Variants in DVL2 observed in about 807,000 individuals in gnomAD.
DVL2 encodes segment polarity protein dishevelled homolog DVL-2.
In DVL2, 38 loss-of-function variants were observed where a neutral mutation model predicts 69.8. The ratio of observed to expected loss-of-function variants is 0.54; its 90% CI spans 0.42 to 0.71. The LOEUF (loss-of-function observed/expected upper bound fraction) is 0.71. DVL2 is among the 30% of genes least tolerant of loss of function. The probability of loss-of-function intolerance (pLI) is 0.00; values close to 1 mark genes in which losing one functional copy is unlikely to be tolerated. For missense variants in DVL2, 931 were observed against 1,008.1 expected, an observed-to-expected ratio of 0.92 and a Z score of 1.04; for synonymous variants, 428 against 392.4, an observed-to-expected ratio of 1.09 and a Z score of -1.07.
In DVL2 at chr17:7,229,080, G is replaced by A; in HGVS notation, c.958-35C>T. On this transcript the variant is annotated intron_variant, in intron 8 of 14. Transcript: ENST00000005340. This position sits in a 1 kb window ranked among gnomAD's most constrained non-coding sequence, Gnocchi z 4.4. The stretch of plus-strand genomic sequence containing the variant: ...ACGGCAAGTGGGTCAGAGACACGGT[G>A]GGAGAGGCTGAGGGCCCCCGTGCAG... 6.8e-6 allele frequency: 11 copies of A among 1,614,128 alleles called. No homozygotes were observed. The highest frequency in any genetic ancestry group is 9.3e-6 in the Non-Finnish European group (11 of 1,180,000).
At position 7,227,982 on chromosome 17, in the gene DVL2, G is replaced by A. The variant is rs376020506; in HGVS notation, c.1097C>T (p.Pro366Leu). 8.9e-6 allele frequency: 14 copies of A among 1,573,572 alleles called. No homozygotes were observed. Among genetic ancestry groups the A allele is most frequent in the African/African-American group, 1.4e-5 (1 of 73,940 alleles). ...DPSPQAYFTL[P>L]RNEPIQPIDP... The stretch of plus-strand genomic sequence containing the variant: ...CCTCCCTGAGTGTCACTCACTTCGG[G>A]GGAGAGTGAAATAGGCCTGAGGAGA... Residue 366 changes from proline to leucine, a missense_variant, in exon 10 of 15, where the codon CCC becomes CTC. Physicochemically the swap from Pro to Leu is moderately conservative, Grantham distance 98 (BLOSUM62 -3). This residue lies in a region of DVL2 where 555 missense variants were observed against 588.8 expected (regional missense o/e 0.94). Coordinates refer to ENST00000005340, the MANE Select transcript of DVL2 (RefSeq NM_004422.3).
intron 1 of DVL2, among the ~76,000 whole-genome samples, chr17:7,231,460 A>C (rs1237711580): frequency 6.6e-6 from 1 of 151,576 alleles, no homozygotes; most frequent in Middle Eastern, 3.2e-3. Flanking sequence ...AAAAAAAAAA[A>C]AAAAAACCTT....
chr17:7,230,813 G>C lies in DVL2; in HGVS notation c.195-16C>G, dbSNP rs1049981082. ...CTTCACCACCCTGCCAAGCGACAAG[G>C]TAGAGGTCAGTGAGCTGGACCAACC... On this transcript the variant is annotated splice_polypyrimidine_tract_variant and intron_variant, in intron 1 of 14. Transcript: ENST00000005340. 6.2e-7 allele frequency: 1 copy of C among 1,604,392 alleles called. No individual in the cohort carries two copies. The highest frequency in any genetic ancestry group is 8.5e-7 in the Non-Finnish European group (1 of 1,173,502).
Position 7,230,640 on chromosome 17 carries a change from G to A in DVL2, c.264+88C>T, listed in dbSNP as rs972279708. The A allele has an allele frequency of 4.4e-5, 62 of 1,412,606 alleles. No homozygotes were observed. In the African/African-American group the frequency reaches 5.2e-4, roughly 12 times the overall value. The allele number at this position is 1,412,606 out of a possible 1,614,324, so 87.5% of individuals were successfully genotyped here. Reference sequence around the variant, plus strand: ...TAAAGAGCCAGGGCTGCTAACGCGCGGCCTGGGGAGGATACAGAAACAGAC... The same window carrying A: ...TAAAGAGCCAGGGCTGCTAACGCGCAGCCTGGGGAGGATACAGAAACAGAC... On this transcript the variant is annotated intron_variant, in intron 2 of 14. Coordinates refer to ENST00000005340, the MANE Select transcript of DVL2 (RefSeq NM_004422.3).
At position 7,230,030 on chromosome 17, in the gene DVL2, C is replaced by T. The variant is rs1377591100; in HGVS notation, c.520+16G>A. ...GTCTGGCCCAGCCCTTCCCGGCCCC[C>T]AGGCCTGCCCCTCACCGCCATGCTC... On this transcript the variant is annotated intron_variant, in intron 4 of 14. Transcript: ENST00000005340. 3 of 1,613,426 alleles carry T rather than the reference C, an allele frequency of 1.9e-6. No homozygotes were observed. The highest frequency in any genetic ancestry group is 2.5e-6 in the Non-Finnish European group (3 of 1,180,010).
Position 7,229,391 on chromosome 17 carries a change from G to T in DVL2, c.804C>A (p.Val268=), listed in dbSNP as rs1365467015. 6.2e-7 allele frequency: 1 copy of T among 1,613,958 alleles called. No individual in the cohort carries two copies. The highest frequency in any genetic ancestry group is 1.7e-5 in the Admixed American group (1 of 60,030). ...CTCTCCCCATACCCATGTTTAGCGT[G>T]ACTGTGATGATATTGAGAGACATTG... The part of the protein sequence containing the change: ...DSTMSLNIIT[V]TLNMEKYNFL... Residue 268 remains valine (V), a synonymous_variant, in exon 7 of 15, where the codon GTC becomes GTA. Coordinates refer to ENST00000005340, the MANE Select transcript of DVL2 (RefSeq NM_004422.3). This position sits in a 1 kb window ranked among gnomAD's most constrained non-coding sequence, Gnocchi z 4.4.
At chr17:7,228,085 G>C in intron 9 of DVL2, 41 bp from the exon 10 acceptor site, 1 of 1,471,912 alleles carries the variant, frequency 6.8e-7, no homozygotes, top group Non-Finnish European at 9.1e-7. Flanking sequence ...CAGGGGAAGA[G>C]GAGGCCTCAG....
In DVL2 at chr17:7,229,844, C is replaced by CTGG; in HGVS notation, c.617_619dup (p.Thr206dup). ...GTCCTCCTCGTCCGAGTCCCCCAGGCTGGTACTCTCCAGCTCGCTGGTCAT... is the reference window on the plus strand; with the variant it reads ...GTCCTCCTCGTCCGAGTCCCCCAGGCTGGTGGTACTCTCCAGCTCGCTGGTCAT... On this transcript the variant is annotated inframe_insertion, in exon 5 of 15. Transcript: ENST00000005340. This position sits in a 1 kb window ranked among gnomAD's most constrained non-coding sequence, Gnocchi z 4.4. 6.2e-7 allele frequency: 1 copy of CTGG among 1,612,294 alleles called. No homozygotes were observed. The highest frequency in any genetic ancestry group is 8.5e-7 in the Non-Finnish European group (1 of 1,179,946).
At chr17:7,226,763 G>T in intron 13 of DVL2, 124 bp from the exon 14 acceptor site, 1 of 758,190 alleles carries the variant, frequency 1.3e-6, no homozygotes, top group Non-Finnish European at 2.0e-6. Flanking sequence ...CAAAACAGGG[G>T]TTCACAAGGG....
chr17:7,233,085 C>T (rs1217961857), intron 1 of DVL2, among the ~76,000 whole-genome samples: 7 of 38,820 alleles, frequency 1.8e-4, no homozygotes, highest in Non-Finnish European at 2.8e-4. Context: ...GCGAGACTGT[C>T]TCAAAAAAAA....
At chr17:7,232,245 C>G (rs2071554238) in intron 1 of DVL2, among the ~76,000 whole-genome samples, 1 of 152,260 alleles carries the variant, frequency 6.6e-6, no homozygotes, top group Admixed American at 6.5e-5. Context: ...GTTCCTCTCT[C>G]TCTTTCCACA....
chr17:7,233,818 C>T, intron 1 of DVL2: 2 of 574,286 alleles, frequency 3.5e-6, no homozygotes, highest in Non-Finnish European at 6.2e-6. Flanking sequence ...AACCAGTATG[C>T]CCCCACCTAT....
In DVL2 at chr17:7,230,310, C is replaced by G; in HGVS notation, c.385G>C (p.Gly129Arg). The G allele has an allele frequency of 6.2e-7, 1 of 1,614,134 alleles. No individual in the cohort carries two copies. Among genetic ancestry groups the G allele is most frequent in the Non-Finnish European group, 8.5e-7 (1 of 1,180,010 alleles). ...PLPPERTSGI[G>R]DSRPPSFHPN... ...TGGAAGGATGGAGGCCTTGAGTCCCCAATGCCGCTGGTCCTCTCGGGTGGC... is the reference window on the plus strand; with the variant it reads ...TGGAAGGATGGAGGCCTTGAGTCCCGAATGCCGCTGGTCCTCTCGGGTGGC... The change falls in exon 3 of 15, where the codon GGG (glycine) becomes CGG (arginine). Residue 129 changes from glycine to arginine, a missense_variant. By Grantham distance (125) the Gly-to-Arg change is moderately radical. This residue lies in a region of DVL2 where 555 missense variants were observed against 588.8 expected (regional missense o/e 0.94). Transcript: ENST00000005340.
intron 1 of DVL2, chr17:7,233,806 T>C: frequency 3.6e-6 from 2 of 556,666 alleles, no homozygotes; most frequent in Non-Finnish European, 6.4e-6. Flanking sequence ...TACTCCAACA[T>C]AAACCAGTAT....
At chr17:7,226,813 C>A (rs1742234172) in intron 13 of DVL2, 174 bp from the exon 14 acceptor site, 2 of 646,228 alleles carry the variant, frequency 3.1e-6, no homozygotes, top group South Asian at 2.1e-5. Flanking sequence ...GCCATGAGGG[C>A]AGGGGCACAG....
At chr17:7,227,339 C>G (rs2071473171) in intron 12 of DVL2, 65 bp downstream of exon 12, 3 of 1,604,006 alleles carry the variant, frequency 1.9e-6, no homozygotes, top group Non-Finnish European at 2.6e-6. Context: ...TCTGCCTGTG[C>G]CATTCCTGGC....
chr17:7,234,364 G>A lies in DVL2; in HGVS notation c.-102C>T, dbSNP rs1009312826. 7.5e-7 allele frequency: 1 copy of A among 1,325,882 alleles called. No homozygotes were observed. Among genetic ancestry groups the A allele is most frequent in the Non-Finnish European group, 1.0e-6 (1 of 959,836 alleles). 82.1% of individuals were successfully genotyped at this position (1,325,882 alleles called of 1,614,324 possible). A position where few individuals can be genotyped will look rare whatever the true frequency, so the allele number is the denominator to read the frequency against. ...CAAACCGACGCGCGAGCGCGGACAG[G>A]ACTGACCCAGTACGGGAGAGAAGCA... On this transcript the variant is annotated 5_prime_UTR_variant, in exon 1 of 15. Transcript: ENST00000005340.
rs1403800228 is a variant in DVL2 at position 7,226,088 on chromosome 17, C to A, written c.1988G>T (p.Gly663Val). 1 of 1,594,748 alleles carries A rather than the reference C, an allele frequency of 6.3e-7. No homozygotes were observed. Among genetic ancestry groups the A allele is most frequent in the Non-Finnish European group, 8.6e-7 (1 of 1,169,456 alleles). Residue 663 changes from glycine to valine, a missense_variant, in exon 15 of 15, where the codon GGG (glycine) becomes GTG (valine). By Grantham distance (109) the Gly-to-Val change is moderately radical. Transcript: ENST00000005340. ...GGAPNLRAHP[G>V]LHPYGPPPGM... ...AGGGGGCGGTCCATAGGGATGGAGCCCTGGGTGGGCTCGGAGATTAGGGGC... is the reference window on the plus strand; with the variant it reads ...AGGGGGCGGTCCATAGGGATGGAGCACTGGGTGGGCTCGGAGATTAGGGGC...
At chr17:7,228,080 G>C in intron 9 of DVL2, 36 bp from the exon 10 acceptor site, 2 of 1,506,306 alleles carry the variant, frequency 1.3e-6, no homozygotes, top group South Asian at 1.3e-5. Flanking sequence ...GGGCGCAGGG[G>C]AAGAGGAGGC....
Sources: allele counts gnomAD v4.1 joint callset (sites outside exome capture counted in the v4.1 genomes callset), GRCh38; gene constraint gnomAD v4.1.1; regional missense constraint gnomAD v4.1.1; non-coding constraint Gnocchi (gnomAD v3.1); transcripts MANE v1.5; gene names NCBI Gene and HGNC (gene_info 2026-07-23, HGNC 2026-07-21).